Variants in ROR2 observed in about 807,000 individuals in gnomAD.
ROR2 encodes the protein tyrosine-protein kinase transmembrane receptor ROR2.
Under a neutral mutation model 74.9 loss-of-function variants are expected in ROR2, and 33 were observed. The observed-to-expected ratio is 0.44, with a 90% CI of 0.33 to 0.59. ROR2 has a LOEUF of 0.59. Ranked by LOEUF, ROR2 falls within the 20% of genes least tolerant of loss-of-function variation. The pLI is 0.02. For missense variants in ROR2, 1,216 were observed against 1,313.8 expected (o/e 0.93, Z 1.15); for synonymous variants, 586 against 558.7 (o/e 1.05, Z -0.69).
chr9:91,728,377 T>C (rs547520060), intron 7 of ROR2, among the ~76,000 whole-genome samples: 1 of 152,328 alleles, frequency 6.6e-6, no homozygotes, highest in East Asian at 1.9e-4. Context: ...TATGGTTTTC[T>C]TAATTCGAAT....
At chr9:91,925,410 C>A (rs1831370110) in intron 1 of ROR2, among the ~76,000 whole-genome samples, 1 of 152,110 alleles carries the variant, frequency 6.6e-6, no homozygotes, top group African/African-American at 2.4e-5. Context: ...TCTGTCCTTG[C>A]TCAGCACAAG....
intron 1 of ROR2, among the ~76,000 whole-genome samples, chr9:91,813,094 G>GC (rs1335101307): frequency 6.6e-6 from 1 of 151,878 alleles, no homozygotes; most frequent in Non-Finnish European, 1.5e-5. Flanking sequence ...ATCAACACTG[G>GC]CCACCTAGGT....
intron 1 of ROR2, among the ~76,000 whole-genome samples, chr9:91,844,453 G>T (rs78872325): frequency 0.037 from 5,644 of 152,278 alleles, 152 homozygotes; most frequent in East Asian, 0.097. Flanking sequence ...TGTCACGCAG[G>T]CTGTGGTTTT....
At chr9:91,769,623 G>A (rs1403051627) in intron 2 of ROR2, among the ~76,000 whole-genome samples, 4 of 151,800 alleles carry the variant, frequency 2.6e-5, no homozygotes, top group Non-Finnish European at 4.4e-5. Context: ...CCTCTCCCAC[G>A]CCCGCCTCCT....
At chr9:91,770,187 C>T (rs1439477580) in intron 2 of ROR2, among the ~76,000 whole-genome samples, 5 of 152,232 alleles carry the variant, frequency 3.3e-5, no homozygotes, top group Admixed American at 2.0e-4. Flanking sequence ...GGGGACTGCA[C>T]CACGCTCCCC....
chr9:91,835,193 G>T (rs1828574632), intron 1 of ROR2, among the ~76,000 whole-genome samples: 1 of 151,822 alleles, frequency 6.6e-6, no homozygotes, highest in Admixed American at 6.6e-5. Flanking sequence ...ACCTCCAAGG[G>T]TCCTGCACCA....
chr9:91,824,828 G>A (rs780403494), intron 1 of ROR2, among the ~76,000 whole-genome samples: 1 of 152,196 alleles, frequency 6.6e-6, no homozygotes, highest in Admixed American at 6.5e-5. Context: ...TTAGGAAACA[G>A]CCTGCCCTGG....
rs1346713537 is a variant in ROR2, at chr9:91,722,744, A to T, written c.*918T>A. The T allele has an allele frequency of 3.1e-6, 2 of 646,760 alleles. No individual in the cohort carries two copies. The highest frequency in any genetic ancestry group is 3.6e-5 in the African/African-American group (2 of 56,134). 40.1% of individuals were successfully genotyped at this position (646,760 alleles called of 1,614,324 possible). On this transcript the variant is annotated 3_prime_UTR_variant, in exon 9 of 9. Transcript: ENST00000375708. The stretch of plus-strand genomic sequence containing the variant: ...TGGACCTCATGTGCACGTGGTACAG[A>T]GAGAAGCAAACCAAGACCAACTGGA...
At chr9:91,922,823 G>A (rs180758771) in intron 1 of ROR2, among the ~76,000 whole-genome samples, 83 of 152,150 alleles carry the variant, frequency 5.5e-4, no homozygotes, top group Non-Finnish European at 1.0e-3. Context: ...GTCCTCTCAT[G>A]TCAGGCTCTC....
chr9:91,897,460 T>C (rs984982463), intron 1 of ROR2, among the ~76,000 whole-genome samples: 16 of 152,126 alleles, frequency 1.1e-4, no homozygotes, highest in African/African-American at 3.9e-4. Context: ...GGGTTGGTGA[T>C]AATGTCAATA....
At chr9:91,771,739 G>A (rs550756792) in intron 2 of ROR2, among the ~76,000 whole-genome samples, 115 of 126,324 alleles carry the variant, frequency 9.1e-4, no homozygotes, top group Non-Finnish European at 1.3e-3. Context: ...TCTCTCTCTC[G>A]ATACCATCTA....
Position 91,722,745 on chromosome 9 carries a change from G to A in ROR2, c.*917C>T. On this transcript the variant is annotated 3_prime_UTR_variant, in exon 9 of 9. Transcript: ENST00000375708. ...GGACCTCATGTGCACGTGGTACAGA[G>A]AGAAGCAAACCAAGACCAACTGGAT... is the stretch of plus-strand genomic sequence containing the variant. 1 of 646,210 alleles carries A rather than the reference G, an allele frequency of 1.5e-6. No homozygotes were observed. The highest frequency in any genetic ancestry group is 2.8e-6 in the Non-Finnish European group (1 of 352,212). 40.0% of individuals were successfully genotyped at this position (646,210 alleles called of 1,614,324 possible).
intron 1 of ROR2, among the ~76,000 whole-genome samples, chr9:91,824,207 C>T (rs980265729): frequency 6.6e-6 from 1 of 152,238 alleles, no homozygotes; most frequent in African/African-American, 2.4e-5. Context: ...AAAGGATGGG[C>T]CTCAGGCAGG....
At chr9:91,818,655 G>A (rs1234110891) in intron 1 of ROR2, among the ~76,000 whole-genome samples, 1 of 152,206 alleles carries the variant, frequency 6.6e-6, no homozygotes, top group Admixed American at 6.5e-5. Context: ...AAGAGACCAT[G>A]GCCCACGCTG....
chr9:91,777,400 C>CAA (rs1304520132), intron 1 of ROR2, among the ~76,000 whole-genome samples: 1 of 150,394 alleles, frequency 6.6e-6, no homozygotes, highest in Non-Finnish European at 1.5e-5. Context: ...CACACACACA[C>CAA]ACACACACCC....
At chr9:91,745,278 A>T (rs1825374275) in intron 4 of ROR2, among the ~76,000 whole-genome samples, 1 of 151,566 alleles carries the variant, frequency 6.6e-6, no homozygotes, top group South Asian at 2.1e-4. Flanking sequence ...GGCATCTGCC[A>T]CCATACCGGA....
At chr9:91,820,240 A>C (rs1409111300) in intron 1 of ROR2, among the ~76,000 whole-genome samples, 1 of 152,218 alleles carries the variant, frequency 6.6e-6, no homozygotes, top group Non-Finnish European at 1.5e-5. Context: ...ATGTCTGGGA[A>C]GATGGACGTG....
chr9:91,802,644 A>C (rs1564286124), intron 1 of ROR2, among the ~76,000 whole-genome samples: 1 of 152,062 alleles, frequency 6.6e-6, no homozygotes, highest in Non-Finnish European at 1.5e-5. Context: ...CAAGGCTTAC[A>C]AAACTCCAGT....
chr9:91,741,326 T>TAATAAC (rs1248653963), intron 4 of ROR2, among the ~76,000 whole-genome samples: 1 of 147,564 alleles, frequency 6.8e-6, no homozygotes, highest in African/African-American at 2.5e-5. Flanking sequence ...ATAATAATAA[T>TAATAAC]AATAATAATA....
Sources: allele counts gnomAD v4.1 joint callset (sites outside exome capture counted in the v4.1 genomes callset), GRCh38; gene constraint gnomAD v4.1.1; transcripts MANE v1.5; gene names NCBI Gene and HGNC (gene_info 2026-07-23, HGNC 2026-07-21).